Variants in ADGRL3 observed in about 807,000 individuals in gnomAD.
ADGRL3 encodes adhesion G protein-coupled receptor L3.
In ADGRL3, 62 loss-of-function variants were observed where a neutral mutation model predicts 153.5. The observed-to-expected ratio is 0.40, with a 90% CI of 0.33 to 0.50. ADGRL3 has a LOEUF of 0.50. Ranked by LOEUF, ADGRL3 falls within the 20% of genes least tolerant of loss-of-function variation. The pLI, the probability that ADGRL3 is intolerant of heterozygous loss-of-function variation, is 0.47. For synonymous variants in ADGRL3, 710 were observed against 672.5 expected, an observed-to-expected ratio of 1.06 and a Z score of -0.86; for missense variants, 1,641 against 1,859.4, an observed-to-expected ratio of 0.88 and a Z score of 2.16.
At chr4:61,205,459 AT>A (rs1736674552) in intron 1 of ADGRL3, among the ~76,000 whole-genome samples, 1 of 152,144 alleles carries the variant, frequency 6.6e-6, no homozygotes, top group Non-Finnish European at 1.5e-5. Context: ...GCAAATGGCT[AT>A]TTTGCCTTCT....
At chr4:61,205,112 C>T (rs1336592825) in intron 1 of ADGRL3, among the ~76,000 whole-genome samples, 1 of 151,848 alleles carries the variant, frequency 6.6e-6, no homozygotes, top group Non-Finnish European at 1.5e-5. Flanking sequence ...GAGCTATAGC[C>T]AAGGAAATCA....
At chr4:61,291,804 C>T (rs1313509627) in intron 1 of ADGRL3, among the ~76,000 whole-genome samples, 1 of 147,782 alleles carries the variant, frequency 6.8e-6, no homozygotes, top group Non-Finnish European at 1.5e-5. Flanking sequence ...AAAATGGAGA[C>T]GTTCTATATG....
Position 61,849,281 on chromosome 4 carries a change from G to C in ADGRL3, c.1480+35392G>C, listed in dbSNP as rs140079488. On this transcript the variant is annotated intron_variant, in intron 9 of 26. Coordinates refer to ENST00000683033, the MANE Select transcript of ADGRL3 (RefSeq NM_001387552.1). ...TACTACTCTTTGTAAAAGTCACAAA[G>C]AAAGAGATCCTGAAATTGCAGTTTA... is the stretch of plus-strand genomic sequence containing the variant. Among the ~76,000 whole-genome samples the C allele has an allele frequency of 6.6e-3, 1,000 of 152,136 alleles. 6 individuals are homozygous for C. The highest frequency in any genetic ancestry group is 0.021 in the African/African-American group (857 of 41,492).
chr4:61,391,557 C>T (rs183553861), intron 2 of ADGRL3, among the ~76,000 whole-genome samples: 26 of 152,138 alleles, frequency 1.7e-4, no homozygotes, highest in Admixed American at 4.6e-4. Flanking sequence ...CATGTATGTG[C>T]GTAAGTTTTC....
intron 17 of ADGRL3, among the ~76,000 whole-genome samples, chr4:61,965,746 G>A (rs765359308): frequency 2.6e-5 from 4 of 151,402 alleles, no homozygotes; most frequent in Non-Finnish European, 5.9e-5. Flanking sequence ...GCAAGACTCC[G>A]ACTCACAAAA....
chr4:62,018,060 T>C (rs557182228), intron 21 of ADGRL3, among the ~76,000 whole-genome samples: 3 of 152,204 alleles, frequency 2.0e-5, no homozygotes, highest in African/African-American at 7.2e-5. Flanking sequence ...GAATATAGAT[T>C]CCTGAAAAAT....
intron 1 of ADGRL3, among the ~76,000 whole-genome samples, chr4:61,272,661 C>G (rs780125638): frequency 1.3e-5 from 2 of 152,026 alleles, no homozygotes; most frequent in Non-Finnish European, 2.9e-5. Context: ...ATTGATTCTG[C>G]TGTTTTATTG....
chr4:61,307,579 ACT>A (rs966428739), intron 1 of ADGRL3, among the ~76,000 whole-genome samples: 25 of 152,150 alleles, frequency 1.6e-4, no homozygotes, highest in African/African-American at 5.8e-4. Flanking sequence ...TATGTTATTC[ACT>A]CTGTGACAGA....
At chr4:61,837,363 C>T (rs2097952483) in intron 9 of ADGRL3, among the ~76,000 whole-genome samples, 1 of 152,204 alleles carries the variant, frequency 6.6e-6, no homozygotes, top group African/African-American at 2.4e-5. Flanking sequence ...ATTATCACTA[C>T]ACAAAGGCAA....
intron 9 of ADGRL3, among the ~76,000 whole-genome samples, chr4:61,862,481 C>T (rs185588435): frequency 8.5e-5 from 13 of 152,190 alleles, no homozygotes; most frequent in East Asian, 1.9e-4. Flanking sequence ...GAGATGGGAC[C>T]GGGATATTAT....
intron 1 of ADGRL3, among the ~76,000 whole-genome samples, chr4:61,300,631 T>G (rs2094549569): frequency 6.6e-6 from 1 of 152,202 alleles, no homozygotes; most frequent in Admixed American, 6.5e-5. Context: ...GGTTATTTTA[T>G]GTAGAGTGTG....
At chr4:62,031,749 C>A in intron 23 of ADGRL3, 139 bp downstream of exon 23, 1 of 575,374 alleles carries the variant, frequency 1.7e-6, no homozygotes, top group South Asian at 3.4e-5. Context: ...AACAGTAAAG[C>A]AAAACAAACA....
At chr4:62,010,058 A>G (rs11131354) in intron 21 of ADGRL3, among the ~76,000 whole-genome samples, 135,040 of 152,008 alleles carry the variant, frequency 0.89, 60,688 homozygotes, top group South Asian at 0.95. Flanking sequence ...ACCCTCCCAC[A>G]CATGTAGATG....
At chr4:61,272,943 A>C (rs1348496733) in intron 1 of ADGRL3, among the ~76,000 whole-genome samples, 5 of 152,120 alleles carry the variant, frequency 3.3e-5, no homozygotes, top group Non-Finnish European at 7.4e-5. Flanking sequence ...TCCTAGACTC[A>C]GAGTGGCTGG....
chr4:61,877,677 G>A (rs1239501245), intron 9 of ADGRL3, among the ~76,000 whole-genome samples: 2 of 152,138 alleles, frequency 1.3e-5, no homozygotes, highest in African/African-American at 2.4e-5. Flanking sequence ...CTGTCTGTAG[G>A]TTTGGTTTCT....
At chr4:61,462,988 G>A (rs903535576) in intron 2 of ADGRL3, among the ~76,000 whole-genome samples, 52 of 152,186 alleles carry the variant, frequency 3.4e-4, no homozygotes, top group African/African-American at 1.2e-3. Flanking sequence ...AAAAATAAAA[G>A]ACCAGTTACA....
At chr4:61,279,228 T>C (rs913132219) in intron 1 of ADGRL3, among the ~76,000 whole-genome samples, 1 of 152,208 alleles carries the variant, frequency 6.6e-6, no homozygotes, top group Non-Finnish European at 1.5e-5. Context: ...TCACTACTGA[T>C]ACTTAGTTTA....
chr4:61,868,993 A>T (rs1489540505), intron 9 of ADGRL3, among the ~76,000 whole-genome samples: 1 of 152,134 alleles, frequency 6.6e-6, no homozygotes, highest in Non-Finnish European at 1.5e-5. Context: ...ATAGCAGCTC[A>T]CTGCAGCCTC....
intron 9 of ADGRL3, among the ~76,000 whole-genome samples, chr4:61,868,799 C>T (rs2149355410): frequency 6.6e-6 from 1 of 152,306 alleles, no homozygotes; most frequent in South Asian, 2.1e-4. Context: ...CCTATCTTTG[C>T]AGCTTTGCCT....
Sources: gnomAD v4.1 joint callset for allele counts (sites outside exome capture counted in the v4.1 genomes callset) on GRCh38, gnomAD v4.1.1 for gene constraint, MANE v1.5 for transcripts, NCBI Gene and HGNC (gene_info 2026-07-23, HGNC 2026-07-21) for gene names.